MARK3: variants seen among roughly 807,000 people sequenced by gnomAD.
MARK3 encodes the protein MAP/microtubule affinity-regulating kinase 3.
Under a neutral mutation model 90.1 loss-of-function variants are expected in MARK3, and 46 were observed. The ratio of observed to expected loss-of-function variants is 0.51; its 90% CI spans 0.40 to 0.65. The LOEUF is 0.65. Among genes scored for constraint, MARK3 ranks in the 30% least tolerant of loss-of-function variants. The pLI is 0.00. For synonymous variants in MARK3, 321 were observed against 332.6 expected (o/e 0.97, Z 0.38); for missense variants, 818 against 947.2 (o/e 0.86, Z 1.79).
chr14:103,403,052 C>T (rs991243066), intron 1 of MARK3, among the ~76,000 whole-genome samples: 2 of 139,572 alleles, frequency 1.4e-5, no homozygotes, highest in African/African-American at 5.2e-5. Context: ...CCCACCCCAT[C>T]CCTGCCCCTC....
chr14:103,499,878 T>TGTGTGCAGTGTGCAGC, intron 16 of MARK3: 2 of 255,604 alleles, frequency 7.8e-6, no homozygotes, highest in Non-Finnish European at 1.4e-5. Flanking sequence ...GTGTGTGCAG[T>TGTGTGCAGTGTGCAGC]GTGCAGCGTG....
intron 2 of MARK3, among the ~76,000 whole-genome samples, chr14:103,406,450 T>G (rs1024416800): frequency 6.6e-5 from 10 of 151,226 alleles, no homozygotes; most frequent in Admixed American, 5.9e-4. Flanking sequence ...TTAGTCAGGC[T>G]GGTTTCAAAC....
At chr14:103,483,630 G>T (rs905278363) in intron 14 of MARK3, among the ~76,000 whole-genome samples, 9 of 152,218 alleles carry the variant, frequency 5.9e-5, no homozygotes, top group Non-Finnish European at 1.0e-4. Context: ...GACACAGGGA[G>T]CATAGGTTAG....
chr14:103,464,225 A>G (rs2093458558), intron 7 of MARK3, among the ~76,000 whole-genome samples: 1 of 151,382 alleles, frequency 6.6e-6, no homozygotes, highest in Admixed American at 6.6e-5. Context: ...TCCAGACACT[A>G]ATATAGCATC....
chr14:103,406,332 C>T (rs1450326880), intron 2 of MARK3, among the ~76,000 whole-genome samples: 1 of 152,070 alleles, frequency 6.6e-6, no homozygotes, highest in African/African-American at 2.4e-5. Context: ...TCAAGCGTTT[C>T]TCTTGCCTCA....
At chr14:103,435,190 G>C (rs1383825505) in intron 3 of MARK3, among the ~76,000 whole-genome samples, 1 of 152,192 alleles carries the variant, frequency 6.6e-6, no homozygotes, top group Non-Finnish European at 1.5e-5. Flanking sequence ...GTTTTCTTAA[G>C]CCAGTACTTT....
intron 1 of MARK3, among the ~76,000 whole-genome samples, chr14:103,402,845 G>A (rs576621860): frequency 1.3e-5 from 2 of 152,294 alleles, no homozygotes; most frequent in East Asian, 3.9e-4. Flanking sequence ...ATTGGCACTA[G>A]TAAAGTTTTG....
chr14:103,412,285 T>A, intron 2 of MARK3: 1 of 659,554 alleles, frequency 1.5e-6, no homozygotes, highest in Non-Finnish European at 2.7e-6. Context: ...CAGCCAAACA[T>A]AACATGTTCA....
Position 103,485,541 on chromosome 14 carries a change from A to G in MARK3, c.1586+5051A>G, listed in dbSNP as rs184700106. Among the ~76,000 whole-genome samples the G allele has an allele frequency of 3.2e-3, 480 of 152,138 alleles. 1 individual carries two copies. Among genetic ancestry groups the G allele is most frequent in the Admixed American group, 5.4e-3 (82 of 15,284 alleles). On this transcript the variant is annotated intron_variant, in intron 14 of 17. Transcript: ENST00000429436. The stretch of plus-strand genomic sequence containing the variant: ...TCCAGTCTCAGCCTTCCAAAACACT[A>G]GGTTTACAGGCATGAGCCACCATGC...
chr14:103,413,378 C>G (rs1461044889), intron 2 of MARK3, among the ~76,000 whole-genome samples: 1 of 149,872 alleles, frequency 6.7e-6, no homozygotes, highest in African/African-American at 2.4e-5. Context: ...AACTTTTGAT[C>G]TCTCATTTGG....
At chr14:103,447,417 T>TCTCACCAGCTTC (rs1566859363) in intron 3 of MARK3, among the ~76,000 whole-genome samples, 1 of 152,250 alleles carries the variant, frequency 6.6e-6, no homozygotes, top group Non-Finnish European at 1.5e-5. Flanking sequence ...TCCTGTGATT[T>TCTCACCAGCTTC]CTCACCAGCT....
intron 12 of MARK3, among the ~76,000 whole-genome samples, chr14:103,471,599 CCT>C (rs1244276975): frequency 6.6e-6 from 1 of 152,130 alleles, no homozygotes; most frequent in African/African-American, 2.4e-5. Context: ...CCTCGTCTCA[CCT>C]CTCCCTTCCC....
At chr14:103,386,245 C>T (rs2089783525) in intron 1 of MARK3, 165 bp downstream of exon 1, 2 of 736,412 alleles carry the variant, frequency 2.7e-6, no homozygotes, top group East Asian at 2.7e-5. Flanking sequence ...CTCCAGAAGT[C>T]TGCCGTGTCC....
chr14:103,425,016 C>T (rs961768440), intron 2 of MARK3, among the ~76,000 whole-genome samples: 7 of 152,084 alleles, frequency 4.6e-5, no homozygotes, highest in African/African-American at 1.4e-4. Flanking sequence ...TCTCGGCTCA[C>T]TGCAACCTCT....
Position 103,466,261 on chromosome 14 carries a change from T to C in MARK3, c.898-82T>C, listed in dbSNP as rs536208536. 6 of 1,298,928 alleles carry C rather than the reference T, an allele frequency of 4.6e-6. No homozygotes were observed. The East Asian group carries it at 1.4e-4, about 31-fold the overall frequency. The allele number at this position is 1,298,928 out of a possible 1,614,324, so 80.5% of individuals were successfully genotyped here. A position where few individuals can be genotyped will look rare whatever the true frequency, so the allele number is the denominator to read the frequency against. On this transcript the variant is annotated intron_variant, in intron 9 of 17. Transcript: ENST00000429436. ...ATGCTTTGAACGATAGTCAATGAAA[T>C]GTTGAAAATAAATTTTTGTAAATAT...
intron 15 of MARK3, among the ~76,000 whole-genome samples, chr14:103,493,256 T>TTA (rs1206893795): frequency 2.9e-5 from 1 of 34,462 alleles, no homozygotes; most frequent in Non-Finnish European, 6.7e-5. Flanking sequence ...TTTTTTTTTT[T>TTA]AATTTTTTTT....
intron 1 of MARK3, among the ~76,000 whole-genome samples, chr14:103,403,326 T>TTGTGTG (rs59913493): frequency 3.9e-4 from 54 of 138,544 alleles, no homozygotes; most frequent in South Asian, 7.5e-4. Context: ...TAGTGCCTGG[T>TTGTGTG]TGTGTGTGTG....
At chr14:103,419,039 A>C in intron 2 of MARK3, among the ~76,000 whole-genome samples, 1 of 152,230 alleles carries the variant, frequency 6.6e-6, no homozygotes, top group Non-Finnish European at 1.5e-5. Context: ...CTGTAATCCC[A>C]GCACTTTGGG....
intron 5 of MARK3, among the ~76,000 whole-genome samples, chr14:103,453,138 A>G (rs2093194202): frequency 6.6e-6 from 1 of 152,160 alleles, no homozygotes; most frequent in Non-Finnish European, 1.5e-5. Flanking sequence ...AAATGTAGAC[A>G]TTTTCTGAAA....
Sources: allele counts gnomAD v4.1 joint callset (sites outside exome capture counted in the v4.1 genomes callset), GRCh38; gene constraint gnomAD v4.1.1; transcripts MANE v1.5; gene names NCBI Gene and HGNC (gene_info 2026-07-23, HGNC 2026-07-21).